LRBA: variants seen among roughly 807,000 people sequenced by gnomAD.
LRBA encodes the protein lipopolysaccharide-responsive and beige-like anchor protein.
Under a neutral mutation model 330.0 loss-of-function variants are expected in LRBA, and 176 were observed. The observed-to-expected ratio is 0.53, with a 90% CI of 0.47 to 0.60. The LOEUF (loss-of-function observed/expected upper bound fraction) is 0.60, where lower values mean the gene tolerates loss of function less well. LRBA is among the 20% of genes least tolerant of loss of function. LRBA has a pLI of 0.00. For synonymous variants in LRBA, 1,230 were observed against 1,193.0 expected (o/e 1.03, Z -0.64); for missense variants, 3,259 against 3,444.8 (o/e 0.95, Z 1.35).
intron 34 of LRBA, among the ~76,000 whole-genome samples, chr4:150,768,386 C>T (rs1242601626): frequency 1.3e-5 from 2 of 152,056 alleles, no homozygotes; most frequent in African/African-American, 4.8e-5. Context: ...TGCAAGTTGG[C>T]ATAAAAAGAA....
intron 47 of LRBA, among the ~76,000 whole-genome samples, chr4:150,381,569 C>T (rs935343799): frequency 6.6e-6 from 1 of 152,202 alleles, no homozygotes; most frequent in Non-Finnish European, 1.5e-5. Flanking sequence ...CATATGGATA[C>T]ACCATATTGT....
At chr4:150,896,495 A>G (rs1212186037) in intron 15 of LRBA, 39 bp from the exon 16 acceptor site, 9 of 1,067,678 alleles carry the variant, frequency 8.4e-6, no homozygotes, top group Non-Finnish European at 1.1e-5. Flanking sequence ...GTTTACATGT[A>G]AAAAAATGTT....
At chr4:150,731,153 G>A (rs1220340383) in intron 36 of LRBA, among the ~76,000 whole-genome samples, 4 of 152,128 alleles carry the variant, frequency 2.6e-5, no homozygotes, top group Admixed American at 6.5e-5. Context: ...AAACGCTGTC[G>A]AGGATGTGGA....
chr4:150,675,905 G>A (rs1003302140), intron 37 of LRBA, among the ~76,000 whole-genome samples: 5 of 151,922 alleles, frequency 3.3e-5, no homozygotes, highest in African/African-American at 1.2e-4. Flanking sequence ...TCTAATTCTT[G>A]AATAAACTTT....
At chr4:150,728,716 C>T (rs1730042399) in intron 36 of LRBA, among the ~76,000 whole-genome samples, 1 of 151,388 alleles carries the variant, frequency 6.6e-6, no homozygotes, top group Non-Finnish European at 1.5e-5. Flanking sequence ...CATAATAAGC[C>T]ATATATGACA....
chr4:150,927,725 A>G (rs1196102222), intron 4 of LRBA, among the ~76,000 whole-genome samples: 2 of 152,356 alleles, frequency 1.3e-5, no homozygotes, highest in East Asian at 3.9e-4. Context: ...AAGGTAAGCT[A>G]GAACCAGAAA....
Position 150,414,797 on chromosome 4 carries a change from C to T in LRBA, c.7194+641G>A, listed in dbSNP as rs1747499124. Among the ~76,000 whole-genome samples, 3 of 152,128 alleles carry T rather than the reference C, an allele frequency of 2.0e-5. No homozygotes were observed. The South Asian group carries it at 6.2e-4, about 32-fold the overall frequency. ...CGAGCCACCGCACCCGGCCAAGATT[C>T]TACTTTTAAATACTAAGAATAAAGC... On this transcript the variant is annotated intron_variant, in intron 47 of 56. Transcript: ENST00000651943.
rs1163429468 is a variant in LRBA, at chr4:150,487,724, A to C, written c.6551+8T>G. On this transcript the variant is annotated splice_region_variant and intron_variant, in intron 42 of 56. Transcript: ENST00000651943. Reference sequence around the variant, plus strand: ...TACTTTCCCTAAGTTTCTCATATAAAACAGTACCTGGTTTGAGGCAATCCA... The same window carrying C: ...TACTTTCCCTAAGTTTCTCATATAACACAGTACCTGGTTTGAGGCAATCCA... 15 of 1,567,182 alleles carry C rather than the reference A, an allele frequency of 9.6e-6. No individual in the cohort carries two copies. The highest frequency in any genetic ancestry group is 1.3e-5 in the Non-Finnish European group (15 of 1,144,114).
chr4:150,372,560 CA>C (rs70937396), intron 47 of LRBA, among the ~76,000 whole-genome samples: 31,649 of 101,582 alleles, frequency 0.31, 4,039 homozygotes, highest in African/African-American at 0.44. Context: ...ATCCCATCTC[CA>C]AAAAAAAAAA....
At chr4:150,514,960 C>G (rs1306120546) in intron 40 of LRBA, among the ~76,000 whole-genome samples, 1 of 152,122 alleles carries the variant, frequency 6.6e-6, no homozygotes, top group Non-Finnish European at 1.5e-5. Context: ...AGGTTCATAG[C>G]TAACCTTTAT....
intron 37 of LRBA, among the ~76,000 whole-genome samples, chr4:150,672,878 T>A (rs1240996967): frequency 1.3e-5 from 2 of 152,152 alleles, no homozygotes; most frequent in Non-Finnish European, 2.9e-5. Context: ...CCATAACAAA[T>A]CTATTTTGAA....
In LRBA at chr4:150,833,233, T is replaced by C. The variant is rs188054145; in HGVS notation, c.4570-1257A>G. ...AGGTCACCTATATATCACTGACCTCTTTATCTTGTCAAATTCCCCATCTTC... is the reference window on the plus strand; with the variant it reads ...AGGTCACCTATATATCACTGACCTCCTTATCTTGTCAAATTCCCCATCTTC... On this transcript the variant is annotated intron_variant, in intron 28 of 56. Coordinates refer to ENST00000651943, the MANE Select transcript of LRBA (RefSeq NM_001364905.1). Among the ~76,000 whole-genome samples, 7 of 151,992 alleles carry C rather than the reference T, an allele frequency of 4.6e-5. No homozygotes were observed. The East Asian group carries it at 1.4e-3, about 29-fold the overall frequency.
At chr4:150,901,203 G>A (rs906005663) in intron 13 of LRBA, among the ~76,000 whole-genome samples, 4 of 152,080 alleles carry the variant, frequency 2.6e-5, no homozygotes, top group African/African-American at 4.8e-5. Flanking sequence ...GGAGACTGAG[G>A]CAAGAGAATC....
intron 2 of LRBA, among the ~76,000 whole-genome samples, chr4:150,965,612 T>G (rs1260716321): frequency 6.6e-6 from 1 of 152,030 alleles, no homozygotes; most frequent in Non-Finnish European, 1.5e-5. Flanking sequence ...TGAACACAGC[T>G]CACTGTAGCC....
At chr4:150,818,691 C>T (rs1279973565) in intron 30 of LRBA, among the ~76,000 whole-genome samples, 1 of 151,944 alleles carries the variant, frequency 6.6e-6, no homozygotes, top group Non-Finnish European at 1.5e-5. Flanking sequence ...TCACTGTCTT[C>T]TACCAATGTT....
At chr4:150,353,155 A>G (rs945731765) in intron 47 of LRBA, among the ~76,000 whole-genome samples, 6 of 152,106 alleles carry the variant, frequency 3.9e-5, no homozygotes, top group Admixed American at 1.3e-4. Flanking sequence ...TTAGCATATA[A>G]TATCTCTGAG....
intron 2 of LRBA, among the ~76,000 whole-genome samples, chr4:150,989,701 A>G (rs982974804): frequency 2.6e-5 from 4 of 152,136 alleles, no homozygotes; most frequent in Admixed American, 2.6e-4. Context: ...CTTCCTCAAG[A>G]TCATATAGGA....
intron 34 of LRBA, among the ~76,000 whole-genome samples, chr4:150,794,155 A>C (rs575682075): frequency 1.3e-5 from 2 of 152,288 alleles, no homozygotes; most frequent in East Asian, 3.9e-4. Context: ...AGACACAGAA[A>C]TATAATGGCA....
At chr4:150,375,628 T>C (rs1040383549) in intron 47 of LRBA, among the ~76,000 whole-genome samples, 20 of 151,670 alleles carry the variant, frequency 1.3e-4, no homozygotes, top group African/African-American at 4.3e-4. Context: ...CTGTATTTTT[T>C]TTTTTTTTGA....
Sources: allele counts gnomAD v4.1 joint callset (sites outside exome capture counted in the v4.1 genomes callset), GRCh38; gene constraint gnomAD v4.1.1; transcripts MANE v1.5; gene names NCBI Gene and HGNC (gene_info 2026-07-23, HGNC 2026-07-21).